FTO: variants seen among roughly 807,000 people sequenced by gnomAD.
The protein encoded by FTO is alpha-ketoglutarate-dependent dioxygenase FTO.
FTO carries 47 observed loss-of-function variants against 63.9 expected under a neutral mutation model. That is an observed-to-expected ratio of 0.74 (90% CI 0.58 to 0.94). The LOEUF (loss-of-function observed/expected upper bound fraction) is 0.94, where lower values mean the gene tolerates loss of function less well. FTO is among the 40% of genes least tolerant of loss of function. FTO has a pLI of 0.00. For missense variants in FTO, 562 were observed against 618.1 expected (o/e 0.91, Z 0.96); for synonymous variants, 207 against 224.4 (o/e 0.92, Z 0.69).
intron 8 of FTO, among the ~76,000 whole-genome samples, chr16:54,032,913 G>A (rs13339124): frequency 0.13 from 20,332 of 151,814 alleles, 2,874 homozygotes; most frequent in African/African-American, 0.35. Flanking sequence ...CCCTCCACTC[G>A]ATCTCTCTTG....
chr16:54,083,885 C>G (rs144559940), intron 8 of FTO, among the ~76,000 whole-genome samples: 1 of 152,258 alleles, frequency 6.6e-6, no homozygotes, highest in African/African-American at 2.4e-5. Flanking sequence ...TGGGGTAGTG[C>G]TTTTGGAGCC....
chr16:53,705,017 CT>C (rs35814419), intron 1 of FTO, among the ~76,000 whole-genome samples: 88,606 of 146,592 alleles, frequency 0.6, 28,080 homozygotes, highest in African/African-American at 0.84. Context: ...AATATGCCCA[CT>C]TTTTTTTTTT....
chr16:53,864,819 A>C (rs544247156), intron 4 of FTO, among the ~76,000 whole-genome samples: 2 of 152,166 alleles, frequency 1.3e-5, no homozygotes, highest in Non-Finnish European at 2.9e-5. Flanking sequence ...GCTTTTATAG[A>C]TGGAGTTTTC....
intron 8 of FTO, among the ~76,000 whole-genome samples, chr16:54,020,720 C>T (rs1425016165): frequency 6.6e-6 from 1 of 152,092 alleles, no homozygotes; most frequent in Non-Finnish European, 1.5e-5. Context: ...GCCTGTAATC[C>T]CAGCACTTTG....
intron 8 of FTO, among the ~76,000 whole-genome samples, chr16:54,007,465 C>T (rs1290693301): frequency 6.6e-6 from 1 of 152,080 alleles, no homozygotes; most frequent in African/African-American, 2.4e-5. Flanking sequence ...CTGTTTGGCT[C>T]TTTTGTAAAA....
intron 6 of FTO, chr16:53,886,767 A>G (rs2081008617): frequency 1.3e-5 from 2 of 152,234 alleles, no homozygotes; most frequent in Admixed American, 1.3e-4. Context: ...CCATCGTTAA[A>G]TCTTCACAAG....
intron 8 of FTO, among the ~76,000 whole-genome samples, chr16:54,062,669 G>A (rs559429382): frequency 1.3e-5 from 2 of 152,222 alleles, no homozygotes; most frequent in African/African-American, 4.8e-5. Context: ...AGGCGAGGTA[G>A]TGTCACTCTG....
intron 7 of FTO, among the ~76,000 whole-genome samples, chr16:53,912,749 C>T (rs140954792): frequency 1.1e-4 from 17 of 152,328 alleles, no homozygotes; most frequent in African/African-American, 4.1e-4. Context: ...CACATTTGTT[C>T]TGCGATTCCA....
At chr16:53,726,640 G>T (rs924852725) in intron 1 of FTO, among the ~76,000 whole-genome samples, 15 of 152,156 alleles carry the variant, frequency 9.9e-5, no homozygotes, top group African/African-American at 2.7e-4. Flanking sequence ...TCATGAATTG[G>T]CAATGGTCTC....
At chr16:54,063,539 C>T (rs1257519658) in intron 8 of FTO, 1 of 152,046 alleles carries the variant, frequency 6.6e-6, no homozygotes, top group Non-Finnish European at 1.5e-5. Flanking sequence ...TCACAAATGC[C>T]GTATGGTGTT....
At chr16:53,900,024 CT>C (rs916546365) in intron 7 of FTO, among the ~76,000 whole-genome samples, 3 of 152,152 alleles carry the variant, frequency 2.0e-5, no homozygotes, top group African/African-American at 7.2e-5. Context: ...CACCCCACCA[CT>C]TTGTTGTAGG....
chr16:54,009,132 A>G (rs62034061), intron 8 of FTO, among the ~76,000 whole-genome samples: 4,895 of 152,278 alleles, frequency 0.032, 131 homozygotes, highest in Middle Eastern at 0.12. Flanking sequence ...CATAGCACCA[A>G]GCACTGGGTT....
intron 1 of FTO, among the ~76,000 whole-genome samples, chr16:53,789,830 G>A (rs1487495911): frequency 2.0e-5 from 3 of 148,284 alleles, no homozygotes; most frequent in Non-Finnish European, 4.5e-5. Context: ...ACATGTATAT[G>A]TATGTATATT....
chr16:54,023,095 AATTC>A (rs1313543959), intron 8 of FTO, among the ~76,000 whole-genome samples: 1 of 152,238 alleles, frequency 6.6e-6, no homozygotes, highest in Non-Finnish European at 1.5e-5. Context: ...CACATTGGTG[AATTC>A]AGTGTTTCTG....
At chr16:54,078,401 TA>T (rs1238422248) in intron 8 of FTO, among the ~76,000 whole-genome samples, 1 of 148,122 alleles carries the variant, frequency 6.8e-6, no homozygotes, top group African/African-American at 2.5e-5. Flanking sequence ...ATAATATTTA[TA>T]ATATACATAA....
At chr16:53,888,503 A>G (rs1162444099) in intron 6 of FTO, among the ~76,000 whole-genome samples, 1 of 121,950 alleles carries the variant, frequency 8.2e-6, no homozygotes, top group Non-Finnish European at 1.8e-5. Flanking sequence ...ATTGTTTTGT[A>G]GAGACAGCAT....
chr16:54,108,818 C>T (rs1467165114), intron 8 of FTO, among the ~76,000 whole-genome samples: 4 of 152,160 alleles, frequency 2.6e-5, no homozygotes, highest in Admixed American at 1.3e-4. Context: ...CTGCCCAAGA[C>T]GTCATGCCCC....
chr16:53,795,014 A>G (rs959874191), intron 1 of FTO, among the ~76,000 whole-genome samples: 30 of 152,238 alleles, frequency 2.0e-4, no homozygotes, highest in Admixed American at 8.5e-4. Context: ...AATTAAAAGA[A>G]TCATGTTCAG....
intron 3 of FTO, among the ~76,000 whole-genome samples, chr16:53,828,011 C>T (rs991544538): frequency 3.3e-5 from 5 of 152,212 alleles, no homozygotes; most frequent in African/African-American, 4.8e-5. Flanking sequence ...ACTCCCTTCC[C>T]GTGGGTGATC....
Sources: gnomAD v4.1 joint callset for allele counts (sites outside exome capture counted in the v4.1 genomes callset) on GRCh38, gnomAD v4.1.1 for gene constraint, MANE v1.5 for transcripts, NCBI Gene and HGNC (gene_info 2026-07-23, HGNC 2026-07-21) for gene names.